Variants in YPEL1 observed in about 807,000 individuals in gnomAD.
YPEL1 encodes the protein protein yippee-like 1.
Under a neutral mutation model 17.3 loss-of-function variants are expected in YPEL1, and 7 were observed. The ratio of observed to expected loss-of-function variants is 0.40; its 90% CI spans 0.23 to 0.76. The LOEUF is 0.76. YPEL1 is among the 30% of genes least tolerant of loss of function. The probability of loss-of-function intolerance (pLI) is 0.35; values close to 1 mark genes in which losing one functional copy is unlikely to be tolerated. For missense variants in YPEL1, 91 were observed against 155.5 expected (o/e 0.59, Z 2.21); for synonymous variants, 59 against 59.6 (o/e 0.99, Z 0.05).
At position 21,710,894 on chromosome 22, in the gene YPEL1, A is replaced by C. The variant is rs2068158214; in HGVS notation, c.-150T>G. 2 of 716,576 alleles carry C rather than the reference A, an allele frequency of 2.8e-6. No homozygotes were observed. Among genetic ancestry groups the C allele is most frequent in the Non-Finnish European group, 5.0e-6 (2 of 402,034 alleles). 44.4% of individuals were successfully genotyped at this position (716,576 alleles called of 1,614,324 possible). A position where few individuals can be genotyped will look rare whatever the true frequency, so the allele number is the denominator to read the frequency against. ...TGGCACTGTCCACACAGCTGGGACG[A>C]GAGAAAAACGTAACCTGCCAACCAA... On this transcript the variant is annotated 5_prime_UTR_variant, in exon 2 of 5. Coordinates refer to ENST00000339468, the MANE Select transcript of YPEL1 (RefSeq NM_013313.5).
chr22:21,735,363 G>T (rs1021419093), intron 1 of YPEL1, among the ~76,000 whole-genome samples: 1 of 152,178 alleles, frequency 6.6e-6, no homozygotes, highest in Non-Finnish European at 1.5e-5. Context: ...AGGGACAGCG[G>T]GGGAGGTGGA....
intron 1 of YPEL1, among the ~76,000 whole-genome samples, chr22:21,721,480 G>A (rs995219447): frequency 6.6e-6 from 1 of 150,620 alleles, no homozygotes. Context: ...CTGGAGTACA[G>A]TGGCGTGATC....
chr22:21,714,356 C>T (rs563867748), intron 1 of YPEL1, among the ~76,000 whole-genome samples: 10 of 152,204 alleles, frequency 6.6e-5, no homozygotes, highest in Non-Finnish European at 1.2e-4. Flanking sequence ...GCTTCTTGGT[C>T]TTTGCTTGTC....
chr22:21,701,873 A>G (rs895785044), intron 4 of YPEL1, among the ~76,000 whole-genome samples: 1 of 152,096 alleles, frequency 6.6e-6, no homozygotes, highest in Non-Finnish European at 1.5e-5. Flanking sequence ...AAGCCTACGC[A>G]ACACAGTGAT....
intron 4 of YPEL1, among the ~76,000 whole-genome samples, chr22:21,702,536 T>A (rs1217582591): frequency 1.3e-5 from 2 of 151,974 alleles, no homozygotes; most frequent in Non-Finnish European, 2.9e-5. Context: ...GCGCGGTGGC[T>A]CACGCCTGTA....
chr22:21,707,122 A>T (rs1458562070), intron 2 of YPEL1, among the ~76,000 whole-genome samples: 3 of 152,050 alleles, frequency 2.0e-5, no homozygotes, highest in Non-Finnish European at 2.9e-5. Flanking sequence ...ATATAATTTA[A>T]AAAAAATTAA....
In YPEL1 at chr22:21,703,411, T is replaced by C; in HGVS notation, c.229A>G (p.Ile77Val). 1.9e-6 allele frequency: 3 copies of C among 1,613,566 alleles called. No individual in the cohort carries two copies. Among genetic ancestry groups the C allele is most frequent in the Non-Finnish European group, 1.7e-6 (2 of 1,180,012 alleles). ...GTGGTCTTGCAGTTCTCGCAGTAGATGTCGGCAACCGCATGCAGCCCGGTG... is the reference window on the plus strand; with the variant it reads ...GTGGTCTTGCAGTTCTCGCAGTAGACGTCGGCAACCGCATGCAGCCCGGTG... The part of the protein sequence containing the change: ...LLTGLHAVAD[I>V]YCENCKTTLG... The change falls in exon 4 of 5, where the codon ATC becomes GTC. Residue 77 changes from isoleucine (I) to valine (V), a missense_variant. Transcript: ENST00000339468. This position sits in a 1 kb window ranked among gnomAD's most constrained non-coding sequence, Gnocchi z 6.1.
intron 1 of YPEL1, among the ~76,000 whole-genome samples, chr22:21,730,382 CCTGG>C (rs1189005788): frequency 2.0e-5 from 3 of 152,056 alleles, no homozygotes; most frequent in Admixed American, 6.5e-5. Flanking sequence ...TCCCACCATG[CCTGG>C]CTAAGTTTGT....
At position 21,710,102 on chromosome 22, in the gene YPEL1, A is replaced by G. The variant is rs113237519; in HGVS notation, c.117+526T>C. ...GAGCTCAGCACAGTAAGGAGGGGCCAGGGGATCTTGTTTACATCTTCAAGG... is the reference window on the plus strand; with the variant it reads ...GAGCTCAGCACAGTAAGGAGGGGCCGGGGGATCTTGTTTACATCTTCAAGG... On this transcript the variant is annotated intron_variant, in intron 2 of 4. Transcript: ENST00000339468. Among the ~76,000 whole-genome samples the G allele has an allele frequency of 3.4e-3, 520 of 152,258 alleles. 2 individuals carry two copies. The highest frequency in any genetic ancestry group is 0.012 in the African/African-American group (494 of 41,548).
intron 2 of YPEL1, among the ~76,000 whole-genome samples, chr22:21,709,956 C>T (rs1361050927): frequency 6.6e-6 from 1 of 152,096 alleles, no homozygotes; most frequent in African/African-American, 2.4e-5. Flanking sequence ...GGGGGGATGT[C>T]ATGACCTGAG....
At chr22:21,731,694 C>T (rs2068389094) in intron 1 of YPEL1, among the ~76,000 whole-genome samples, 1 of 152,010 alleles carries the variant, frequency 6.6e-6, no homozygotes, top group South Asian at 2.1e-4. Context: ...TGTCATCACC[C>T]CCAGGACAAA....
chr22:21,734,545 T>C (rs1331485133), intron 1 of YPEL1, among the ~76,000 whole-genome samples: 4 of 152,196 alleles, frequency 2.6e-5, no homozygotes, highest in African/African-American at 4.8e-5. Context: ...CCGTAGGGGT[T>C]CCCACAAGTA....
rs892187024 is a variant in YPEL1, at chr22:21,703,151, T to A, written c.270+219A>T. ...AGGGCTTGAAAACATGGTGTTTTTG[T>A]TTTTTGTTTTGGGTTGGGGTATCAC... On this transcript the variant is annotated intron_variant, in intron 4 of 4. Coordinates refer to ENST00000339468, the MANE Select transcript of YPEL1 (RefSeq NM_013313.5). The surrounding 1 kb of genome is among the most constrained non-coding windows in gnomAD (Gnocchi z 6.1). Among the ~76,000 whole-genome samples, 1 of 152,046 alleles carries A rather than the reference T, an allele frequency of 6.6e-6. No individual in the cohort carries two copies. The highest frequency in any genetic ancestry group is 2.4e-5 in the African/African-American group (1 of 41,400).
In YPEL1 at chr22:21,735,723, G is replaced by A. The variant is rs1016825833; in HGVS notation, c.-273C>T. On this transcript the variant is annotated 5_prime_UTR_variant, in exon 1 of 5. Coordinates refer to ENST00000339468, the MANE Select transcript of YPEL1 (RefSeq NM_013313.5). ...CCGGCGCGGCCCGGGACGCGCTGAG[G>A]CCGTTAACGCCTAGGCAGGGCGCGA... 1.3e-5 allele frequency: 2 copies of A among 150,848 alleles called. No individual in the cohort carries two copies. The allele number at this position is 150,848 out of a possible 1,614,324, so 9.3% of individuals were successfully genotyped here.
rs200857233 is a variant in YPEL1, at chr22:21,710,793, G to A, written c.-49C>T. ...GCTCAGGGCTGGTTCTGGAAGAACCGTGGCTCTGCTGGCCTCTCTGACAAA... is the reference window on the plus strand; with the variant it reads ...GCTCAGGGCTGGTTCTGGAAGAACCATGGCTCTGCTGGCCTCTCTGACAAA... On this transcript the variant is annotated 5_prime_UTR_variant, in exon 2 of 5. In the 5' UTR this introduces an upstream ATG that the reference lacks. Transcript: ENST00000339468. 184 of 1,515,288 alleles carry A rather than the reference G, an allele frequency of 1.2e-4. No individual in the cohort carries two copies. In the African/African-American group the frequency reaches 2.2e-3, roughly 18 times the overall value. The allele number at this position is 1,515,288 out of a possible 1,614,324, so 93.9% of individuals were successfully genotyped here. A position where few individuals can be genotyped will look rare whatever the true frequency, so the allele number is the denominator to read the frequency against.
chr22:21,733,406 A>G (rs1350272744), intron 1 of YPEL1, among the ~76,000 whole-genome samples: 1 of 151,916 alleles, frequency 6.6e-6, no homozygotes, highest in African/African-American at 2.4e-5. Context: ...AGACAGAGCG[A>G]GACTCTGTCT....
chr22:21,731,370 A>G (rs1445615275), intron 1 of YPEL1, among the ~76,000 whole-genome samples: 2 of 151,790 alleles, frequency 1.3e-5, no homozygotes, highest in Non-Finnish European at 2.9e-5. Flanking sequence ...TGTAGGAACT[A>G]TGTGCAACAC....
In YPEL1 at chr22:21,717,193, C is replaced by T. The variant is rs551537729; in HGVS notation, c.-164-6285G>A. ...GAGTTCGAGACCAGCCTGGCCAACA[C>T]GGTGAAACCCCGTCTCTACTAAAAA... On this transcript the variant is annotated intron_variant, in intron 1 of 4. Coordinates refer to ENST00000339468, the MANE Select transcript of YPEL1 (RefSeq NM_013313.5). 1.8e-4 allele frequency among the ~76,000 whole-genome samples: 27 copies of T among 151,932 alleles called. No individual in the cohort carries two copies. In the South Asian group the frequency reaches 4.8e-3, roughly 27 times the overall value.
intron 2 of YPEL1, among the ~76,000 whole-genome samples, chr22:21,706,220 G>C (rs1213765827): frequency 6.6e-6 from 1 of 151,060 alleles, no homozygotes; most frequent in African/African-American, 2.4e-5. Flanking sequence ...CACAAGTTCA[G>C]GAGTTCAAGA....
Sources: allele counts gnomAD v4.1 joint callset (sites outside exome capture counted in the v4.1 genomes callset), GRCh38; gene constraint gnomAD v4.1.1; non-coding constraint Gnocchi (gnomAD v3.1); transcripts MANE v1.5; gene names NCBI Gene and HGNC (gene_info 2026-07-23, HGNC 2026-07-21).